Variants in SLC1A6 observed in about 807,000 individuals in gnomAD.
The protein encoded by SLC1A6 is solute carrier family 1 member 6, also known as excitatory amino acid transporter 4.
Under a neutral mutation model 42.1 loss-of-function variants are expected in SLC1A6, and 15 were observed. The ratio of observed to expected loss-of-function variants is 0.36; its 90% CI spans 0.24 to 0.55. SLC1A6 has a LOEUF of 0.55. Ranked by LOEUF, SLC1A6 falls within the 20% of genes least tolerant of loss-of-function variation. The pLI, the probability that SLC1A6 is intolerant of heterozygous loss-of-function variation, is 0.88. For missense variants in SLC1A6, 542 were observed against 772.5 expected (o/e 0.70, Z 3.54); for synonymous variants, 317 against 319.7 (o/e 0.99, Z 0.09).
Position 14,971,851 on chromosome 19 carries a change from G to T in SLC1A6, c.229C>A (p.Arg77Ser). 6.2e-7 allele frequency: 1 copy of T among 1,614,134 alleles called. No homozygotes were observed. The highest frequency in any genetic ancestry group is 8.5e-7 in the Non-Finnish European group (1 of 1,180,004). The change falls in exon 3 of 10, where the codon CGC (arginine) becomes AGC (serine). Residue 77 changes from arginine (R) to serine (S), a missense_variant. Arg to Ser is a moderately radical substitution (Grantham distance 110). Transcript: ENST00000594383. ...TGGCGGTAGGTGAGCTGATATGGGC[G>T]CAGGGCAAAGGCCAGGCTGACCCCT... ...VIGVSLAFAL[R>S]PYQLTYRQIK...
intron 1 of SLC1A6, among the ~76,000 whole-genome samples, chr19:14,993,888 G>A (rs2045832637): frequency 6.6e-6 from 1 of 152,072 alleles, no homozygotes; most frequent in Non-Finnish European, 1.5e-5. Context: ...TGAGCTGAAA[G>A]CTTGTAGATA....
intron 1 of SLC1A6, among the ~76,000 whole-genome samples, chr19:14,985,443 C>G (rs893617512): frequency 5.3e-5 from 8 of 152,104 alleles, no homozygotes; most frequent in Non-Finnish European, 1.2e-4. Context: ...CATGGGAAAG[C>G]TCGCTGTTTA....
At chr19:14,964,010 A>G in intron 5 of SLC1A6, 1 of 168,080 alleles carries the variant, frequency 5.9e-6, no homozygotes, top group Non-Finnish European at 1.1e-5. Flanking sequence ...TTTTTTTTTG[A>G]AAGACAGAGA....
Position 14,972,866 on chromosome 19 carries a change from CT to C in SLC1A6, c.44del (p.Gln15ArgfsTer30). Reference sequence around the variant, plus strand: ...GCAGCCAGCCCACCCGGCCCAGCCGCTGGCCGCTCTCCCGCAGGAACAGGCT... The same window carrying C: ...GCAGCCAGCCCACCCGGCCCAGCCGCGGCCGCTCTCCCGCAGGAACAGGCT... The part of the protein sequence containing the change: ...GNSLFLRESG[Q>X]RLGRVGWLQR... On this transcript the variant is annotated frameshift_variant, in exon 2 of 10. Transcript: ENST00000594383. LOFTEE classifies it high-confidence loss of function. 1 of 1,603,950 alleles carries C rather than the reference CT, an allele frequency of 6.2e-7. No homozygotes were observed. Among genetic ancestry groups the C allele is most frequent in the Non-Finnish European group, 8.5e-7 (1 of 1,176,032 alleles).
chr19:14,986,478 G>A (rs1333422564), intron 1 of SLC1A6, among the ~76,000 whole-genome samples: 2 of 150,208 alleles, frequency 1.3e-5, no homozygotes, highest in Non-Finnish European at 3.0e-5. Flanking sequence ...AGCCGAGATT[G>A]CACCATTGCA....
chr19:14,998,003 TTGTG>T (rs58791691), intron 1 of SLC1A6, among the ~76,000 whole-genome samples: 48,634 of 140,406 alleles, frequency 0.35, 7,920 homozygotes, highest in Non-Finnish European at 0.36. Context: ...AATATGATGT[TTGTG>T]TGTGTGTGTG....
At chr19:14,970,486 C>T (rs756657409) in intron 3 of SLC1A6, among the ~76,000 whole-genome samples, 2 of 151,794 alleles carry the variant, frequency 1.3e-5, no homozygotes, top group Non-Finnish European at 2.9e-5. Flanking sequence ...CCAAGGCGGG[C>T]GGATCACGAG....
intron 3 of SLC1A6, among the ~76,000 whole-genome samples, chr19:14,969,392 C>A (rs1411730126): frequency 6.6e-6 from 1 of 152,174 alleles, no homozygotes; most frequent in Admixed American, 6.5e-5. Context: ...CAGGGGAGAC[C>A]TAGAGCCAAA....
At chr19:15,003,541 G>C (rs1484688197) in intron 1 of SLC1A6, among the ~76,000 whole-genome samples, 1 of 151,966 alleles carries the variant, frequency 6.6e-6, no homozygotes, top group African/African-American at 2.4e-5. Flanking sequence ...AGAGAAAGAG[G>C]GGCACCTACT....
At chr19:14,985,169 G>A (rs1175615607) in intron 1 of SLC1A6, among the ~76,000 whole-genome samples, 1 of 152,176 alleles carries the variant, frequency 6.6e-6, no homozygotes. Context: ...GGCGTAAAAA[G>A]TGCAAATTTT....
intron 1 of SLC1A6, among the ~76,000 whole-genome samples, chr19:15,010,183 G>GAAAA (rs34036436): frequency 3.5e-3 from 261 of 73,810 alleles, no homozygotes; most frequent in Non-Finnish European, 3.7e-3. Context: ...AAGACTCTAT[G>GAAAA]AAAAAAAAAA....
intron 3 of SLC1A6, among the ~76,000 whole-genome samples, chr19:14,968,850 TA>T (rs2045604655): frequency 2.1e-5 from 2 of 95,250 alleles, no homozygotes; most frequent in African/African-American, 1.2e-4. Context: ...ATAACCTAAC[TA>T]TTTTTTTTTT....
chr19:14,972,802 T>A lies in SLC1A6; in HGVS notation c.109A>T (p.Thr37Ser). 1 of 1,612,712 alleles carries A rather than the reference T, an allele frequency of 6.2e-7. No homozygotes were observed. Among genetic ancestry groups the A allele is most frequent in the South Asian group, 1.1e-5 (1 of 90,926 alleles). ...QESLQQRALR[T>S]RLRLQTMTLE... The stretch of plus-strand genomic sequence containing the variant: ...GTCATGGTCTGCAGGCGCAGGCGCG[T>A]GCGCAGTGCTCTCTGCTGCAGGCTT... The change falls in exon 2 of 10, where the codon ACG becomes TCG. Residue 37 changes from threonine to serine, a missense_variant. By Grantham distance (58) the Thr-to-Ser change is moderately conservative (BLOSUM62 1). Transcript: ENST00000594383.
intron 5 of SLC1A6, 134 bp downstream of exon 5, chr19:14,964,185 A>G: frequency 4.1e-6 from 3 of 734,334 alleles, no homozygotes; most frequent in Non-Finnish European, 7.4e-6. Context: ...CCTTTCTCCT[A>G]GACTCCTCAA....
intron 1 of SLC1A6, among the ~76,000 whole-genome samples, chr19:14,988,835 T>C (rs556638410): frequency 2.0e-5 from 3 of 152,016 alleles, no homozygotes; most frequent in East Asian, 3.9e-4. Context: ...CTGGGCAGCA[T>C]AGCAAGATCC....
upstream of SLC1A6, chr19:14,980,271 G>A (rs1396352746): frequency 6.6e-6 from 1 of 152,270 alleles, no homozygotes; most frequent in Non-Finnish European, 1.5e-5. Flanking sequence ...AGCGCGTGAG[G>A]CTGGAAATGC....
intron 1 of SLC1A6, among the ~76,000 whole-genome samples, chr19:15,010,172 C>T (rs1187076094): frequency 2.4e-5 from 3 of 126,416 alleles, no homozygotes; most frequent in African/African-American, 9.2e-5. Flanking sequence ...GACGACAGTG[C>T]AAGACTCTAT....
intron 1 of SLC1A6, chr19:14,974,497 C>T (rs1291396548): frequency 6.6e-6 from 1 of 151,944 alleles, no homozygotes; most frequent in Non-Finnish European, 1.5e-5. Context: ...ACTTGCCCAT[C>T]TGTCTACCAA....
chr19:14,984,887 TTG>T (rs200694992), intron 1 of SLC1A6, among the ~76,000 whole-genome samples: 4,138 of 149,816 alleles, frequency 0.028, 109 homozygotes, highest in Non-Finnish European at 0.037. Context: ...TGCAATTTTT[TTG>T]TTTGTTTGTT....
Sources: gnomAD v4.1 joint callset for allele counts (sites outside exome capture counted in the v4.1 genomes callset) on GRCh38, gnomAD v4.1.1 for gene constraint, MANE v1.5 for transcripts, NCBI Gene and HGNC (gene_info 2026-07-23, HGNC 2026-07-21) for gene names.